The following CADPS variants were observed in gnomAD, a reference collection of about 807,000 sequenced individuals.
The protein encoded by CADPS is calcium dependent secretion activator, also known as calcium-dependent secretion activator 1.
CADPS carries 57 observed loss-of-function variants against 167.3 expected under a neutral mutation model. The ratio of observed to expected loss-of-function variants is 0.34; its 90% CI spans 0.28 to 0.42. The LOEUF (loss-of-function observed/expected upper bound fraction) is 0.42, where lower values mean the gene tolerates loss of function less well. Among genes scored for constraint, CADPS ranks in the 20% least tolerant of loss-of-function variants. The pLI is 1.00. For synonymous variants in CADPS, 676 were observed against 635.3 expected (o/e 1.06, Z -0.96); for missense variants, 1,414 against 1,738.1 (o/e 0.81, Z 3.32).
At chr3:62,769,850 A>C (rs2088088716) in intron 1 of CADPS, among the ~76,000 whole-genome samples, 1 of 152,160 alleles carries the variant, frequency 6.6e-6, no homozygotes, top group Non-Finnish European at 1.5e-5. Flanking sequence ...GACCTTAGGC[A>C]ACCTACTTTC....
chr3:62,546,467 G>A (rs2076467101), intron 11 of CADPS, among the ~76,000 whole-genome samples: 1 of 152,070 alleles, frequency 6.6e-6, no homozygotes, highest in Non-Finnish European at 1.5e-5. Flanking sequence ...CCATGTGTAA[G>A]GCTTGATCTA....
At chr3:62,476,920 A>T (rs2061399471) in intron 23 of CADPS, among the ~76,000 whole-genome samples, 1 of 152,160 alleles carries the variant, frequency 6.6e-6, no homozygotes, top group Non-Finnish European at 1.5e-5. Flanking sequence ...GTGGAATTCA[A>T]GACCCTAAGG....
intron 6 of CADPS, among the ~76,000 whole-genome samples, chr3:62,621,886 C>T (rs1410460451): frequency 7.8e-6 from 1 of 127,744 alleles, no homozygotes; most frequent in African/African-American, 2.8e-5. Context: ...TAAAGGCAGT[C>T]CTACTTACTT....
In CADPS at chr3:62,552,870, T is replaced by C. The variant is rs2077533945; in HGVS notation, c.1754-2755A>G. Reference sequence around the variant, plus strand: ...TAAGGGACTATTTTGCTTAATTTCATATGGAAAGTTTTAAAATACCTAATT... The same window carrying C: ...TAAGGGACTATTTTGCTTAATTTCACATGGAAAGTTTTAAAATACCTAATT... On this transcript the variant is annotated intron_variant, in intron 10 of 29. Transcript: ENST00000383710. 1.3e-5 allele frequency among the ~76,000 whole-genome samples: 2 copies of C among 152,188 alleles called. 1 individual carries two copies. The highest frequency in any genetic ancestry group is 2.9e-5 in the Non-Finnish European group (2 of 68,038).
Position 62,802,217 on chromosome 3 carries a change from C to G in CADPS, c.442-36233G>C, listed in dbSNP as rs138581450. Among the ~76,000 whole-genome samples the G allele has an allele frequency of 8.5e-5, 13 of 152,222 alleles. No homozygotes were observed. The East Asian group carries it at 2.5e-3, about 29-fold the overall frequency. On this transcript the variant is annotated intron_variant, in intron 1 of 29. Transcript: ENST00000383710. ...AGTGCATAATGATGCCAAATTAAGA[C>G]ACACATGCACACATGTGCACACACA...
intron 9 of CADPS, 59 bp from the exon 10 acceptor site, chr3:62,557,572 C>A: frequency 7.5e-7 from 1 of 1,331,234 alleles, no homozygotes; most frequent in Non-Finnish European, 1.1e-6. Context: ...TCCAAAAAAC[C>A]CTCCCCCATG....
intron 16 of CADPS, among the ~76,000 whole-genome samples, chr3:62,513,296 A>T (rs2151596687): frequency 6.6e-6 from 1 of 152,206 alleles, no homozygotes; most frequent in Non-Finnish European, 1.5e-5. Flanking sequence ...TCCCCAGCCT[A>T]GCTGCTACCT....
rs2081167729 is a variant in CADPS at position 62,570,914 on chromosome 3, A to G, written c.1602T>C (p.Asn534=). 7 of 1,610,244 alleles carry G rather than the reference A, an allele frequency of 4.3e-6. No homozygotes were observed. The highest frequency in any genetic ancestry group is 5.9e-6 in the Non-Finnish European group (7 of 1,176,488). ...ACCTTTTCTTCCATCTCTTCCAGAC[A>G]TTCTTACCGATGGCCCATAAATACC... ...HSGYLWAIGK[N]VWKRWKKRFF... is the part of the protein sequence containing the mutation. The change falls in exon 9 of 30, where the codon AAT becomes AAC. Residue 534 remains asparagine, a synonymous_variant. Transcript: ENST00000383710.
chr3:62,607,529 C>T (rs999520443), intron 6 of CADPS, among the ~76,000 whole-genome samples: 3 of 152,236 alleles, frequency 2.0e-5, no homozygotes, highest in East Asian at 1.9e-4. Flanking sequence ...GTGTCCCCAA[C>T]ATTTGTGTCT....
chr3:62,706,102 G>A (rs2082264571), intron 3 of CADPS, among the ~76,000 whole-genome samples: 1 of 152,032 alleles, frequency 6.6e-6, no homozygotes, highest in South Asian at 2.1e-4. Context: ...CTTCCAGAGT[G>A]TGGCAGCTGC....
At chr3:62,810,328 A>G (rs2094335729) in intron 1 of CADPS, among the ~76,000 whole-genome samples, 2 of 152,200 alleles carry the variant, frequency 1.3e-5, no homozygotes, top group Non-Finnish European at 2.9e-5. Flanking sequence ...TATTCACATA[A>G]TCACCCAATA....
intron 3 of CADPS, among the ~76,000 whole-genome samples, chr3:62,664,727 G>T (rs533920628): frequency 6.6e-6 from 1 of 152,334 alleles, no homozygotes; most frequent in Admixed American, 6.5e-5. Flanking sequence ...TTCGTCGGAA[G>T]ATATGGTGCT....
rs1356347675 is a variant in CADPS, at chr3:62,433,876, TG to T, written c.3777+4227del. On this transcript the variant is annotated intron_variant, in intron 28 of 29. Coordinates refer to ENST00000383710, the MANE Select transcript of CADPS (RefSeq NM_003716.4). The surrounding 1 kb of genome is among the most constrained non-coding windows in gnomAD (Gnocchi z 4.7). ...CATGTTTTTATTTTGGGGAAGATGT[TG>T]AATTAATCACTAGAGAAGGAGGGAA... is the stretch of plus-strand genomic sequence containing the variant. Among the ~76,000 whole-genome samples the T allele has an allele frequency of 1.3e-5, 2 of 152,208 alleles. No individual in the cohort carries two copies. The highest frequency in any genetic ancestry group is 2.9e-5 in the Non-Finnish European group (2 of 68,038).
intron 3 of CADPS, among the ~76,000 whole-genome samples, chr3:62,747,306 G>T (rs1274968902): frequency 6.6e-6 from 1 of 152,208 alleles, no homozygotes; most frequent in Non-Finnish European, 1.5e-5. Context: ...GAAAAGAGAT[G>T]AAGAAATAGA....
chr3:62,856,967 A>T (rs936457520), intron 1 of CADPS, among the ~76,000 whole-genome samples: 3 of 151,552 alleles, frequency 2.0e-5, no homozygotes, highest in Non-Finnish European at 4.4e-5. Context: ...AGGAATTATA[A>T]AGAGGAAAAG....
At chr3:62,548,420 A>T (rs1410426889) in intron 11 of CADPS, among the ~76,000 whole-genome samples, 1 of 152,182 alleles carries the variant, frequency 6.6e-6, no homozygotes, top group African/African-American at 2.4e-5. Context: ...CACAGCCATT[A>T]TATGATTATT....
At chr3:62,596,035 C>G (rs1390408204) in intron 6 of CADPS, among the ~76,000 whole-genome samples, 3 of 150,490 alleles carry the variant, frequency 2.0e-5, no homozygotes, top group Admixed American at 6.6e-5. Flanking sequence ...ATTGTGGGAC[C>G]TTGTGATGGT....
intron 13 of CADPS, among the ~76,000 whole-genome samples, chr3:62,520,323 C>T (rs1369866195): frequency 6.6e-6 from 1 of 152,162 alleles, no homozygotes; most frequent in Non-Finnish European, 1.5e-5. Flanking sequence ...GTATGCTTGG[C>T]CTTCTCAGTT....
intron 6 of CADPS, among the ~76,000 whole-genome samples, chr3:62,635,301 A>G (rs2886936): frequency 0.023 from 3,450 of 152,250 alleles, 143 homozygotes; most frequent in African/African-American, 0.079. Context: ...ACACACCCAG[A>G]GCCTTCTGCC....
Sources: gnomAD v4.1 joint callset for allele counts (sites outside exome capture counted in the v4.1 genomes callset) on GRCh38, gnomAD v4.1.1 for gene constraint, Gnocchi (gnomAD v3.1) non-coding constraint, MANE v1.5 for transcripts, NCBI Gene and HGNC (gene_info 2026-07-23, HGNC 2026-07-21) for gene names.